The following NPNT variants were observed in gnomAD, a reference collection of about 807,000 sequenced individuals.
NPNT encodes nephronectin.
A neutral mutation model predicts 68.6 loss-of-function variants in NPNT; 45 were observed. The ratio of observed to expected loss-of-function variants is 0.66; its 90% CI spans 0.52 to 0.84. The LOEUF (loss-of-function observed/expected upper bound fraction) is 0.84, where lower values mean the gene tolerates loss of function less well. Among genes scored for constraint, NPNT ranks in the 40% least tolerant of loss-of-function variants. NPNT has a pLI of 0.00. For missense variants in NPNT, 672 were observed against 714.8 expected, an observed-to-expected ratio of 0.94 and a Z score of 0.68; for synonymous variants, 233 against 253.3, an observed-to-expected ratio of 0.92 and a Z score of 0.76.
rs571206378 is a variant in NPNT at position 105,901,560 on chromosome 4, G to A, written c.172+3559G>A. 1.1e-3 allele frequency among the ~76,000 whole-genome samples: 163 copies of A among 152,278 alleles called. 1 individual carries two copies. Among genetic ancestry groups the A allele is most frequent in the Middle Eastern group, 6.8e-3 (2 of 294 alleles). ...TTCCAAGGTTTAACAAAACTATTCC[G>A]TTTCTGAGTTCTTTGGCTGTCATTG... On this transcript the variant is annotated intron_variant, in intron 2 of 11. Coordinates refer to ENST00000379987, the MANE Select transcript of NPNT (RefSeq NM_001033047.3).
At chr4:105,934,187 G>A (rs1362219413) in intron 3 of NPNT, among the ~76,000 whole-genome samples, 2 of 152,230 alleles carry the variant, frequency 1.3e-5, no homozygotes, top group African/African-American at 4.8e-5. Context: ...TAATTTGGAA[G>A]TAATTTATTT....
rs557222067 is a variant in NPNT, at chr4:105,904,136, T to C, written c.172+6135T>C. 3.3e-4 allele frequency among the ~76,000 whole-genome samples: 51 copies of C among 152,306 alleles called. 1 individual carries two copies. The South Asian group carries it at 0.01, about 31-fold the overall frequency. ...ATTCCATTGTATGGCTATACTGTAA[T>C]TTATTAGCAAGTCTCTTACTGATGA... On this transcript the variant is annotated intron_variant, in intron 2 of 11. Transcript: ENST00000379987.
chr4:105,955,503 C>A (rs1212469084), intron 8 of NPNT, among the ~76,000 whole-genome samples: 1 of 151,650 alleles, frequency 6.6e-6, no homozygotes, highest in Non-Finnish European at 1.5e-5. Context: ...CTAACAGAAC[C>A]CTCTTTTATT....
At chr4:105,926,846 T>G (rs901683684) in intron 2 of NPNT, among the ~76,000 whole-genome samples, 3 of 152,218 alleles carry the variant, frequency 2.0e-5, no homozygotes, top group African/African-American at 7.2e-5. Context: ...GTTTTGGTTT[T>G]TGTTTCATTT....
chr4:105,946,718 G>T (rs112108037), intron 8 of NPNT, among the ~76,000 whole-genome samples: 15 of 152,272 alleles, frequency 9.9e-5, no homozygotes, highest in African/African-American at 3.1e-4. Flanking sequence ...AAGATCACAT[G>T]CTTCTGAGGA....
At chr4:105,947,478 G>A (rs1730476276) in intron 8 of NPNT, among the ~76,000 whole-genome samples, 1 of 152,006 alleles carries the variant, frequency 6.6e-6, no homozygotes, top group Non-Finnish European at 1.5e-5. Context: ...CCTCCATTCG[G>A]GGTCCCTGAC....
intron 10 of NPNT, among the ~76,000 whole-genome samples, chr4:105,959,687 T>A (rs979631971): frequency 2.0e-5 from 3 of 152,092 alleles, no homozygotes; most frequent in Admixed American, 6.5e-5. Flanking sequence ...GATTTAGACA[T>A]AGTTCCTTGG....
Position 105,957,219 on chromosome 4 carries a change from CCTAA to C in NPNT, c.1160-1249_1160-1246del, listed in dbSNP as rs572545492. 1.3e-3 allele frequency among the ~76,000 whole-genome samples: 201 copies of C among 152,256 alleles called. 2 individuals are homozygous for C. Among genetic ancestry groups the C allele is most frequent in the East Asian group, 6.4e-3 (33 of 5,172 alleles). ...AGTTACTCTCCATGATGTCTTCCTT[CCTAA>C]CTCTTACCAAAATCTCAAATTACAG... On this transcript the variant is annotated intron_variant, in intron 8 of 11. Transcript: ENST00000379987.
chr4:105,958,925 T>C, intron 9 of NPNT, 103 bp from the exon 10 acceptor site: 1 of 737,534 alleles, frequency 1.4e-6, no homozygotes, highest in South Asian at 1.6e-5. Flanking sequence ...GTTATATGGA[T>C]AGGAGAGAAC....
At position 105,940,110 on chromosome 4, in the gene NPNT, C is replaced by T; in HGVS notation, c.541C>T (p.Pro181Ser). ...ATGTGCTACAGGAAGAGCCTCCTGC[C>T]CTAGATTTAGGCAATGTGTCAACAC... is the stretch of plus-strand genomic sequence containing the variant. ...DECATGRASCPRFRQCVNTFG... is the reference protein window; with the variant it reads ...DECATGRASCSRFRQCVNTFG... Residue 181 changes from proline (P) to serine (S), a missense_variant, in exon 6 of 12, where the codon CCT becomes TCT. By Grantham distance (74) the Pro-to-Ser change is moderately conservative (BLOSUM62 -1). Transcript: ENST00000379987. The T allele has an allele frequency of 6.2e-7, 1 of 1,613,030 alleles. No homozygotes were observed. The highest frequency in any genetic ancestry group is 2.2e-5 in the East Asian group (1 of 44,858).
intron 2 of NPNT, among the ~76,000 whole-genome samples, chr4:105,920,665 G>A (rs1283198024): frequency 6.6e-6 from 1 of 151,948 alleles, no homozygotes; most frequent in African/African-American, 2.4e-5. Context: ...TTTGGCGGGG[G>A]ACACTTCAGG....
intron 10 of NPNT, among the ~76,000 whole-genome samples, chr4:105,963,664 G>A (rs2149408894): frequency 6.6e-6 from 1 of 151,440 alleles, no homozygotes; most frequent in Middle Eastern, 3.4e-3. Context: ...CCTTTTCCTG[G>A]AACCTTGATC....
At position 105,969,231 on chromosome 4, in the gene NPNT, T is replaced by A; in HGVS notation, c.*241T>A. ...ATCAAAGCCATCTGTGGGTGTTGCC[T>A]TCCATCCTGTGTCTCTTTCAGGAAG... On this transcript the variant is annotated 3_prime_UTR_variant, in exon 12 of 12. Transcript: ENST00000379987. 1 of 349,458 alleles carries A rather than the reference T, an allele frequency of 2.9e-6. No individual in the cohort carries two copies. The highest frequency in any genetic ancestry group is 5.2e-6 in the Non-Finnish European group (1 of 192,030). 21.6% of individuals were successfully genotyped at this position (349,458 alleles called of 1,614,324 possible).
chr4:105,920,913 G>A (rs1488693524), intron 2 of NPNT, among the ~76,000 whole-genome samples: 4 of 152,080 alleles, frequency 2.6e-5, no homozygotes, highest in Non-Finnish European at 5.9e-5. Flanking sequence ...AATAAAATGT[G>A]AAGCCCAAAG....
At chr4:105,924,490 T>A (rs1003038289) in intron 2 of NPNT, among the ~76,000 whole-genome samples, 6 of 152,132 alleles carry the variant, frequency 3.9e-5, no homozygotes, top group Admixed American at 2.6e-4. Context: ...AATCTAAGGG[T>A]TCCTGGTTAC....
chr4:105,967,477 G>T (rs755284452), intron 11 of NPNT, 33 bp downstream of exon 11: 2 of 1,508,670 alleles, frequency 1.3e-6, no homozygotes, highest in African/African-American at 1.4e-5. Context: ...CAGGACCTGG[G>T]ACGTTTTCCT....
intron 2 of NPNT, among the ~76,000 whole-genome samples, chr4:105,909,040 G>A (rs1179121474): frequency 6.6e-6 from 1 of 152,100 alleles, no homozygotes; most frequent in Non-Finnish European, 1.5e-5. Flanking sequence ...TTATTTTAGT[G>A]TTAAGATTTT....
At chr4:105,924,352 T>C (rs1003887536) in intron 2 of NPNT, among the ~76,000 whole-genome samples, 2 of 152,246 alleles carry the variant, frequency 1.3e-5, no homozygotes, top group African/African-American at 4.8e-5. Flanking sequence ...GCCAGCAAGA[T>C]AACTTTGTGC....
chr4:105,928,932 G>GTT (rs78548495), intron 3 of NPNT, among the ~76,000 whole-genome samples: 4 of 151,672 alleles, frequency 2.6e-5, no homozygotes, highest in Non-Finnish European at 2.9e-5. Flanking sequence ...TATAGACACA[G>GTT]TTTTTTTTCA....
Sources: gnomAD v4.1 joint callset for allele counts (sites outside exome capture counted in the v4.1 genomes callset) on GRCh38, gnomAD v4.1.1 for gene constraint, MANE v1.5 for transcripts, NCBI Gene and HGNC (gene_info 2026-07-23, HGNC 2026-07-21) for gene names.